Variants in CDH13 observed in about 807,000 individuals in gnomAD.
The protein encoded by CDH13 is cadherin-13.
Under a neutral mutation model 63.8 loss-of-function variants are expected in CDH13, and 24 were observed. The observed-to-expected ratio is 0.38, with a 90% CI of 0.27 to 0.53. CDH13 has a LOEUF of 0.53. Ranked by LOEUF, CDH13 falls within the 20% of genes least tolerant of loss-of-function variation. The pLI is 0.85. For missense variants in CDH13, 1,049 were observed against 903.1 expected (o/e 1.16, Z -2.07); for synonymous variants, 503 against 355.3 (o/e 1.42, Z -4.67).
chr16:82,855,676 T>C (rs552812196), intron 1 of CDH13, among the ~76,000 whole-genome samples: 2 of 152,328 alleles, frequency 1.3e-5, no homozygotes, highest in South Asian at 4.1e-4. Flanking sequence ...AGGGAATCCA[T>C]GATTCACAAG....
chr16:83,519,783 C>T (rs1165553271), intron 7 of CDH13, among the ~76,000 whole-genome samples: 3 of 152,132 alleles, frequency 2.0e-5, no homozygotes, highest in Non-Finnish European at 4.4e-5. Context: ...AGGTACAATC[C>T]TCCCAGTGTG....
At chr16:83,025,111 G>T (rs538359396) in intron 2 of CDH13, among the ~76,000 whole-genome samples, 1 of 152,272 alleles carries the variant, frequency 6.6e-6, no homozygotes, top group African/African-American at 2.4e-5. Context: ...CAGAATTATG[G>T]CAATAATGGT....
intron 5 of CDH13, among the ~76,000 whole-genome samples, chr16:83,248,089 G>T (rs183684367): frequency 1.2e-4 from 18 of 152,160 alleles, no homozygotes; most frequent in African/African-American, 4.3e-4. Flanking sequence ...CCTGATCAGC[G>T]GGGTGCTAAT....
chr16:83,185,742 C>G (rs2038497351), intron 4 of CDH13, among the ~76,000 whole-genome samples: 1 of 152,208 alleles, frequency 6.6e-6, no homozygotes, highest in South Asian at 2.1e-4. Flanking sequence ...AATAAACAGG[C>G]ACTGTTGTTT....
chr16:82,728,581 G>A (rs894743608), intron 1 of CDH13, among the ~76,000 whole-genome samples: 11 of 152,080 alleles, frequency 7.2e-5, no homozygotes, highest in African/African-American at 1.4e-4. Context: ...AAATATGAAT[G>A]ATCATTTGAG....
At chr16:83,614,618 A>C (rs893525136) in intron 8 of CDH13, among the ~76,000 whole-genome samples, 1 of 152,146 alleles carries the variant, frequency 6.6e-6, no homozygotes, top group Non-Finnish European at 1.5e-5. Context: ...GCACTTTCAA[A>C]TAAGTGGGGG....
intron 10 of CDH13, 98 bp from the exon 11 acceptor site, chr16:83,748,010 A>G: frequency 2.3e-6 from 3 of 1,309,368 alleles, no homozygotes; most frequent in Non-Finnish European, 2.2e-6. Flanking sequence ...GTTACCTAGG[A>G]TCCAGCACCT....
chr16:83,103,852 A>G (rs1234285413), intron 3 of CDH13, among the ~76,000 whole-genome samples: 2 of 152,202 alleles, frequency 1.3e-5, no homozygotes, highest in African/African-American at 4.8e-5. Flanking sequence ...GAACACATTG[A>G]TGTTTAAAAA....
At chr16:82,926,271 A>T (rs553951288) in intron 2 of CDH13, among the ~76,000 whole-genome samples, 1 of 152,006 alleles carries the variant, frequency 6.6e-6, no homozygotes, top group South Asian at 2.1e-4. Context: ...GTGTTCCAGT[A>T]AAACGTTATT....
intron 5 of CDH13, among the ~76,000 whole-genome samples, chr16:83,254,087 A>C (rs1229199613): frequency 6.6e-6 from 1 of 152,180 alleles, no homozygotes; most frequent in Non-Finnish European, 1.5e-5. Flanking sequence ...TGACCCAAAG[A>C]TGGAAGCAAG....
At chr16:83,390,542 T>C (rs944383986) in intron 6 of CDH13, among the ~76,000 whole-genome samples, 2 of 152,082 alleles carry the variant, frequency 1.3e-5, no homozygotes, top group African/African-American at 4.8e-5. Context: ...TTAGGGATTA[T>C]CATTCCCACA....
At chr16:83,776,331 A>G (rs1179012149) in intron 11 of CDH13, among the ~76,000 whole-genome samples, 1 of 152,234 alleles carries the variant, frequency 6.6e-6, no homozygotes, top group Non-Finnish European at 1.5e-5. Flanking sequence ...ATAAAAAGAG[A>G]AAAATAATTT....
intron 3 of CDH13, among the ~76,000 whole-genome samples, chr16:83,037,522 G>T (rs900362671): frequency 6.6e-6 from 1 of 152,170 alleles, no homozygotes; most frequent in African/African-American, 2.4e-5. Flanking sequence ...CCAGGATCCC[G>T]TATCTGGATG....
intron 7 of CDH13, among the ~76,000 whole-genome samples, chr16:83,528,006 G>C (rs898701740): frequency 2.0e-5 from 3 of 152,142 alleles, no homozygotes; most frequent in Admixed American, 2.0e-4. Flanking sequence ...GGAGTTTATC[G>C]GGAAGGCCAG....
At chr16:82,974,947 C>G (rs1164349142) in intron 2 of CDH13, among the ~76,000 whole-genome samples, 1 of 152,218 alleles carries the variant, frequency 6.6e-6, no homozygotes. Flanking sequence ...AAACTACGCC[C>G]AGACTGACTT....
intron 7 of CDH13, among the ~76,000 whole-genome samples, chr16:83,549,376 G>T (rs1416840018): frequency 2.0e-5 from 3 of 152,206 alleles, no homozygotes; most frequent in African/African-American, 7.2e-5. Context: ...TCAGAAGAAA[G>T]TACCACATCA....
intron 4 of CDH13, among the ~76,000 whole-genome samples, chr16:83,174,845 G>A (rs1286373423): frequency 6.6e-6 from 1 of 152,088 alleles, no homozygotes; most frequent in African/African-American, 2.4e-5. Context: ...GCAGGAGAGA[G>A]AGAGAAAAAG....
chr16:82,632,594 T>C (rs1908145477), intron 1 of CDH13, among the ~76,000 whole-genome samples: 1 of 152,108 alleles, frequency 6.6e-6, no homozygotes, highest in Admixed American at 6.6e-5. Context: ...GCCAAGGGAC[T>C]CTGAAACCCT....
At chr16:83,444,887 G>A (rs1367581474) in intron 6 of CDH13, among the ~76,000 whole-genome samples, 1 of 396 alleles carries the variant, frequency 2.5e-3, no homozygotes, top group East Asian at 0.17. Flanking sequence ...TGATGAAGGG[G>A]GAGTTCACGG....
Sources: allele counts gnomAD v4.1 joint callset (sites outside exome capture counted in the v4.1 genomes callset), GRCh38; gene constraint gnomAD v4.1.1; transcripts MANE v1.5; gene names NCBI Gene and HGNC (gene_info 2026-07-23, HGNC 2026-07-21).